The following LGSN variants were observed in gnomAD, a reference collection of about 807,000 sequenced individuals.
LGSN encodes lengsin.
LGSN carries 21 observed loss-of-function variants against 19.5 expected under a neutral mutation model. That is an observed-to-expected ratio of 1.07 (90% CI 0.76 to 1.55). The LOEUF is 1.55. LGSN is among the 40% of genes most tolerant of loss of function. The pLI is 0.00. For synonymous variants in LGSN, 257 were observed against 215.6 expected, an observed-to-expected ratio of 1.19 and a Z score of -1.68; for missense variants, 673 against 608.5, an observed-to-expected ratio of 1.11 and a Z score of -1.12.
chr6:63,286,556 G>A (rs769102534), intron 2 of LGSN, among the ~76,000 whole-genome samples: 1 of 152,092 alleles, frequency 6.6e-6, no homozygotes, highest in Non-Finnish European at 1.5e-5. Flanking sequence ...ACTCCAAACC[G>A]CACCATCAGT....
At chr6:63,552,811 T>A in the LGSN span, among the ~76,000 whole-genome samples, 1 of 152,204 alleles carries the variant, frequency 6.6e-6, no homozygotes, top group Non-Finnish European at 1.5e-5. Flanking sequence ...CCATTTCTTG[T>A]TTTTGTCAGG....
the LGSN span, chr6:63,571,645 A>C: frequency 6.6e-6 from 1 of 152,240 alleles, no homozygotes; most frequent in Admixed American, 6.5e-5. Context: ...CTAACCTTTC[A>C]TTATCTGAGA....
At chr6:63,432,173 A>AAAGAAAGAAAGAAAG in the LGSN span, among the ~76,000 whole-genome samples, 8 of 29,546 alleles carry the variant, frequency 2.7e-4, no homozygotes, top group African/African-American at 8.5e-4. Context: ...AAGAAAGAAA[A>AAAGAAAGAAAGAAAG]GGAAAGAAAG....
the LGSN span, among the ~76,000 whole-genome samples, chr6:63,515,201 C>A: frequency 1.4e-5 from 2 of 142,162 alleles, no homozygotes; most frequent in Admixed American, 7.2e-5. Flanking sequence ...ATCTTAATCA[C>A]CTTTCTAAAA....
At chr6:63,357,313 A>G in the LGSN span, among the ~76,000 whole-genome samples, 1 of 152,172 alleles carries the variant, frequency 6.6e-6, no homozygotes, top group South Asian at 2.1e-4. Flanking sequence ...GTGTCTTTAT[A>G]GCAGCATGAT....
At chr6:63,337,484 A>T in the LGSN span, among the ~76,000 whole-genome samples, 2 of 151,916 alleles carry the variant, frequency 1.3e-5, no homozygotes, top group African/African-American at 2.4e-5. Flanking sequence ...TCTCAATTTT[A>T]AAAATAAATA....
chr6:63,475,825 C>T, the LGSN span, among the ~76,000 whole-genome samples: 1 of 152,158 alleles, frequency 6.6e-6, no homozygotes, highest in Non-Finnish European at 1.5e-5. Flanking sequence ...GTTTTGATGC[C>T]AGCAGGTCAT....
At chr6:63,287,500 C>T (rs1474825392) in intron 2 of LGSN, among the ~76,000 whole-genome samples, 1 of 151,662 alleles carries the variant, frequency 6.6e-6, no homozygotes, top group African/African-American at 2.4e-5. Context: ...CAGCCTGGGC[C>T]AGTTCAAGAC....
chr6:63,337,987 G>T, the LGSN span, among the ~76,000 whole-genome samples: 1 of 152,044 alleles, frequency 6.6e-6, no homozygotes, highest in Admixed American at 6.6e-5. Flanking sequence ...CCAGGTTCAA[G>T]TGATTCTCCT....
the LGSN span, among the ~76,000 whole-genome samples, chr6:63,546,897 C>G: frequency 6.6e-6 from 1 of 152,084 alleles, no homozygotes. Flanking sequence ...TTATGTATTT[C>G]GCAATGTGTA....
chr6:63,288,847 C>T (rs1455570803), intron 2 of LGSN, among the ~76,000 whole-genome samples: 1 of 152,180 alleles, frequency 6.6e-6, no homozygotes, highest in Non-Finnish European at 1.5e-5. Flanking sequence ...GGATTAGGGG[C>T]CACCCTACTG....
At chr6:63,384,731 A>G in the LGSN span, among the ~76,000 whole-genome samples, 1 of 152,132 alleles carries the variant, frequency 6.6e-6, no homozygotes, top group African/African-American at 2.4e-5. Flanking sequence ...TGGTCAAGCT[A>G]GCTGGTCTCA....
the LGSN span, among the ~76,000 whole-genome samples, chr6:63,367,714 G>A: frequency 6.9e-6 from 1 of 145,736 alleles, no homozygotes; most frequent in Non-Finnish European, 1.5e-5. Flanking sequence ...ATGATAGAGT[G>A]GATTAAGAAA....
the LGSN span, among the ~76,000 whole-genome samples, chr6:63,402,834 G>A: frequency 1.3e-5 from 2 of 151,014 alleles, no homozygotes; most frequent in African/African-American, 4.9e-5. Context: ...GTAGACTTTT[G>A]ATAAAGCAGA....
At chr6:63,526,282 AC>A in the LGSN span, among the ~76,000 whole-genome samples, 2 of 152,148 alleles carry the variant, frequency 1.3e-5, no homozygotes, top group South Asian at 4.2e-4. Context: ...CCAAGATCTC[AC>A]CACTGCACTC....
chr6:63,379,968 T>G, the LGSN span, among the ~76,000 whole-genome samples: 23,572 of 151,844 alleles, frequency 0.16, 4,207 homozygotes, highest in African/African-American at 0.44. Flanking sequence ...CTCCCAAGTA[T>G]CTGGGATTAC....
the LGSN span, among the ~76,000 whole-genome samples, chr6:63,554,106 C>A: frequency 6.6e-6 from 1 of 152,100 alleles, no homozygotes; most frequent in African/African-American, 2.4e-5. Flanking sequence ...ACTGAAAGCA[C>A]AAATATTCAA....
At chr6:63,404,101 T>C in the LGSN span, among the ~76,000 whole-genome samples, 1 of 152,140 alleles carries the variant, frequency 6.6e-6, no homozygotes, top group East Asian at 1.9e-4. Context: ...CAGTCCTAGA[T>C]GACACTTTAA....
At chr6:63,434,620 A>G in the LGSN span, among the ~76,000 whole-genome samples, 2 of 150,932 alleles carry the variant, frequency 1.3e-5, no homozygotes, top group Non-Finnish European at 3.0e-5. Context: ...AAAAAAAAAA[A>G]AAAAGAAAGA....
Sources: gnomAD v4.1 joint callset for allele counts (sites outside exome capture counted in the v4.1 genomes callset) on GRCh38, gnomAD v4.1.1 for gene constraint, MANE v1.5 for transcripts, NCBI Gene and HGNC (gene_info 2026-07-23, HGNC 2026-07-21) for gene names.